H2BC18: variants seen among roughly 807,000 people sequenced by gnomAD.
H2BC18 encodes H2B clustered histone 18.
In H2BC18, 8 loss-of-function variants were observed where a neutral mutation model predicts 6.3. The ratio of observed to expected loss-of-function variants is 1.28; its 90% CI spans 0.75 to 2.31. H2BC18 has a LOEUF of 2.31. Ranked by LOEUF, H2BC18 falls within the 30% of genes most tolerant of loss-of-function variation. The probability of loss-of-function intolerance (pLI) is 0.00; values close to 1 mark genes in which losing one functional copy is unlikely to be tolerated. For synonymous variants in H2BC18, 104 were observed against 78.1 expected (o/e 1.33, Z -1.75); for missense variants, 106 against 174.5 (o/e 0.61, Z 2.21).
chr1:149,807,227 C>T (rs1553753952), downstream of H2BC18, among the ~76,000 whole-genome samples: 1 of 152,136 alleles, frequency 6.6e-6, no homozygotes, highest in Non-Finnish European at 1.5e-5. Context: ...TCACACCAAT[C>T]TATAATCCCA....
intron 1 of H2BC18, chr1:149,805,288 TTC>T (rs2091907548): frequency 1.3e-5 from 2 of 152,148 alleles, no homozygotes; most frequent in African/African-American, 4.8e-5. Context: ...CCACTGGGAT[TTC>T]TCTTATTTGG....
At chr1:149,799,803 T>C (rs1559752422) in intron 1 of H2BC18, among the ~76,000 whole-genome samples, 1 of 152,244 alleles carries the variant, frequency 6.6e-6, no homozygotes, top group Non-Finnish European at 1.5e-5. Context: ...TTGATCATCA[T>C]GAGGACGGAG....
chr1:149,809,777 A>C (rs1215237723), downstream of H2BC18, among the ~76,000 whole-genome samples: 1 of 149,600 alleles, frequency 6.7e-6, no homozygotes, highest in Non-Finnish European at 1.5e-5. Flanking sequence ...TGAGATGAAA[A>C]AGCTTCTCAG....
downstream of H2BC18, among the ~76,000 whole-genome samples, chr1:149,808,425 T>C (rs2091942998): frequency 6.6e-6 from 1 of 152,178 alleles, no homozygotes; most frequent in African/African-American, 2.4e-5. Flanking sequence ...TCTCTTCTTT[T>C]GGGAATAACA....
Position 149,812,354 on chromosome 1 carries a change from A to C in H2BC18, c.-31T>G. 6.2e-7 allele frequency: 1 copy of C among 1,613,952 alleles called. No individual in the cohort carries two copies. The highest frequency in any genetic ancestry group is 8.5e-7 in the Non-Finnish European group (1 of 1,179,926). ...CGCGAAAAAAGAGAAAAGAGACTTA[A>C]AGAAGTAATCCGAACTACCGCAAAA... On this transcript the variant is annotated 5_prime_UTR_variant, in exon 1 of 1. Transcript: ENST00000369167.
At chr1:149,811,575 C>CA (rs1553754446), downstream of H2BC18, 1 of 255,104 alleles carries the variant, frequency 3.9e-6, no homozygotes, top group Non-Finnish European at 7.7e-6. Context: ...CTTTCAGAAA[C>CA]AAAAAGGAAA....
chr1:149,791,184 G>A (rs1553751800), intron 1 of H2BC18: 3 of 1,605,304 alleles, frequency 1.9e-6, no homozygotes, highest in East Asian at 2.3e-5. Flanking sequence ...AACTCAGCTA[G>A]ACCCCTCTGG....
chr1:149,796,013 A>T (rs2091796556), intron 1 of H2BC18, among the ~76,000 whole-genome samples: 1 of 151,712 alleles, frequency 6.6e-6, no homozygotes, highest in African/African-American at 2.4e-5. Flanking sequence ...CTGGTCTTGC[A>T]TAAGGTCTTT....
At chr1:149,806,652 G>A (rs1327369266) in intron 1 of H2BC18, among the ~76,000 whole-genome samples, 3 of 151,970 alleles carry the variant, frequency 2.0e-5, no homozygotes, top group Non-Finnish European at 4.4e-5. Flanking sequence ...GAAAAGGAGG[G>A]GAGCTTGTTA....
intron 1 of H2BC18, chr1:149,789,940 T>G (rs1248565102): frequency 4.9e-5 from 79 of 1,601,168 alleles, no homozygotes; most frequent in Non-Finnish European, 6.6e-5. Flanking sequence ...GGTTAATGCC[T>G]TATGGATGCA....
intron 1 of H2BC18, among the ~76,000 whole-genome samples, chr1:149,799,843 C>T (rs2091845309): frequency 6.6e-6 from 1 of 152,210 alleles, no homozygotes; most frequent in Non-Finnish European, 1.5e-5. Context: ...CCTGTGCTTT[C>T]ACACTACAAC....
At chr1:149,786,283 C>G (rs2091547837) in intron 1 of H2BC18, 1 of 152,040 alleles carries the variant, frequency 6.6e-6, no homozygotes, top group Non-Finnish European at 1.5e-5. Flanking sequence ...TTTCTATTGT[C>G]TGTCTTTTTC....
intron 1 of H2BC18, among the ~76,000 whole-genome samples, chr1:149,802,600 T>G (rs2091882916): frequency 6.6e-6 from 1 of 152,150 alleles, no homozygotes; most frequent in Non-Finnish European, 1.5e-5. Context: ...GAGAATTGGC[T>G]CACATGATTA....
chr1:149,785,613 C>T (rs1411941456), intron 1 of H2BC18: 2 of 151,916 alleles, frequency 1.3e-5, no homozygotes, highest in African/African-American at 4.8e-5. Flanking sequence ...TTTACCTCTA[C>T]ACAGACTCTA....
At chr1:149,809,030 G>A (rs1423651939), downstream of H2BC18, among the ~76,000 whole-genome samples, 22 of 140,886 alleles carry the variant, frequency 1.6e-4, 2 homozygotes, top group African/African-American at 4.6e-4. Context: ...TGTCATCTTT[G>A]TAGGTTTCTA....
rs1256224559 is a variant in H2BC18 at position 149,812,254 on chromosome 1, T to C, written c.70A>G (p.Lys24Glu). The change falls in exon 1 of 1, where the codon AAG becomes GAG. Residue 24 changes from lysine to glutamate, a missense_variant. By Grantham distance (56) the Lys-to-Glu change is moderately conservative. This residue lies in a region of H2BC18 where 70 missense variants were observed against 64.6 expected (regional missense o/e 1.08). Transcript: ENST00000369167. ...GSKKAVTKVQKKDGKKRKRSR... is the reference protein window; with the variant it reads ...GSKKAVTKVQEKDGKKRKRSR... ...CGCTTGCGCTTCTTGCCGTCCTTCT[T>C]CTGCACTTTCGTAACAGCCTTTTTG... The C allele has an allele frequency of 3.1e-6, 5 of 1,614,138 alleles. No individual in the cohort carries two copies. Among genetic ancestry groups the C allele is most frequent in the Non-Finnish European group, 3.4e-6 (4 of 1,180,056 alleles).
At chr1:149,793,081 T>C (rs1553752337) in intron 1 of H2BC18, 4 of 1,274,494 alleles carry the variant, frequency 3.1e-6, no homozygotes, top group Non-Finnish European at 3.0e-6. Flanking sequence ...CTGTGGAGGT[T>C]GCAGCTGCCG....
chr1:149,787,493 G>A (rs2091583842), intron 1 of H2BC18: 1 of 152,358 alleles, frequency 6.6e-6, no homozygotes, highest in Non-Finnish European at 1.5e-5. Flanking sequence ...AATGTAGTAG[G>A]ATGTTTATAT....
intron 1 of H2BC18, among the ~76,000 whole-genome samples, chr1:149,785,017 AATT>A (rs2091504098): frequency 6.6e-6 from 1 of 152,208 alleles, no homozygotes; most frequent in Non-Finnish European, 1.5e-5. Context: ...CTGGACATGG[AATT>A]ATTGTCATAT....
Sources: allele counts gnomAD v4.1 joint callset (sites outside exome capture counted in the v4.1 genomes callset), GRCh38; gene constraint gnomAD v4.1.1; regional missense constraint gnomAD v4.1.1; transcripts MANE v1.5; gene names NCBI Gene and HGNC (gene_info 2026-07-23, HGNC 2026-07-21).